EIF3E: variants seen among roughly 807,000 people sequenced by gnomAD.
The protein encoded by EIF3E is eukaryotic translation initiation factor 3 subunit E, also known as eIF-3 p48.
A neutral mutation model predicts 59.3 loss-of-function variants in EIF3E; 25 were observed. The observed-to-expected ratio is 0.42, with a 90% CI of 0.31 to 0.59. EIF3E has a LOEUF of 0.59. EIF3E is among the 20% of genes least tolerant of loss of function. The pLI is 0.15. For missense variants in EIF3E, 317 were observed against 534.3 expected (o/e 0.59, Z 4.01); for synonymous variants, 176 against 170.2 (o/e 1.03, Z -0.26).
intron 10 of EIF3E, among the ~76,000 whole-genome samples, chr8:108,205,921 C>T (rs572376548): frequency 9.9e-5 from 15 of 152,220 alleles, no homozygotes; most frequent in African/African-American, 3.6e-4. Context: ...TATGTGTGCA[C>T]AGGGAAAAAC....
chr8:108,245,079 T>C (rs981059615), intron 1 of EIF3E, among the ~76,000 whole-genome samples: 11 of 151,976 alleles, frequency 7.2e-5, no homozygotes, highest in Non-Finnish European at 4.4e-5. Context: ...AGTTTCTTAG[T>C]AACCATTTCC....
intron 1 of EIF3E, 55 bp from the exon 2 acceptor site, chr8:108,241,968 A>C (rs1815844707): frequency 7.8e-7 from 1 of 1,285,258 alleles, no homozygotes; most frequent in Admixed American, 2.3e-5. Flanking sequence ...AAATAAACTG[A>C]TTAATACTAA....
At chr8:108,206,331 AAAAGAAAAAG>A (rs1197689436) in intron 10 of EIF3E, among the ~76,000 whole-genome samples, 1 of 152,148 alleles carries the variant, frequency 6.6e-6, no homozygotes, top group Admixed American at 6.5e-5. Context: ...ATGTCAAAAA[AAAAGAAAAAG>A]AAAGAAAAAA....
At chr8:108,232,942 CAAATGATAT>C (rs1815651286) in intron 5 of EIF3E, among the ~76,000 whole-genome samples, 1 of 152,216 alleles carries the variant, frequency 6.6e-6, no homozygotes, top group Admixed American at 6.5e-5. Flanking sequence ...CCAGCATTAA[CAAATGATAT>C]AAATAACCAA....
intron 5 of EIF3E, 32 bp from the exon 6 acceptor site, chr8:108,229,227 G>T (rs1256700366): frequency 1.2e-6 from 2 of 1,601,544 alleles, no homozygotes; most frequent in Non-Finnish European, 8.5e-7. Context: ...ATTATATTGT[G>T]AATACTCTTG....
At chr8:108,212,150 A>C (rs962505190) in intron 10 of EIF3E, among the ~76,000 whole-genome samples, 1 of 152,202 alleles carries the variant, frequency 6.6e-6, no homozygotes, top group Non-Finnish European at 1.5e-5. Flanking sequence ...TGTGTTCCAA[A>C]GAGGTGTCTT....
chr8:108,242,572 G>C (rs1486287094), intron 1 of EIF3E: 1 of 1,154,768 alleles, frequency 8.7e-7, no homozygotes, highest in Non-Finnish European at 1.1e-6. Context: ...ATTTTGCAAG[G>C]AAAGAAAAAT....
rs1347169587 is a variant in EIF3E, at chr8:108,201,627, TTCA to T, written c.*255_*257del. Reference sequence around the variant, plus strand: ...AGTGAAAAAATTGAGGGAAACAGGGTTCAGCCTACAGGGACTTCTCTGTACTAT... The same window carrying T: ...AGTGAAAAAATTGAGGGAAACAGGGTGCCTACAGGGACTTCTCTGTACTAT... On this transcript the variant is annotated 3_prime_UTR_variant, in exon 13 of 13. Coordinates refer to ENST00000220849, the MANE Select transcript of EIF3E (RefSeq NM_001568.3). 7.3e-6 allele frequency: 2 copies of T among 272,262 alleles called. No homozygotes were observed. Among genetic ancestry groups the T allele is most frequent in the African/African-American group, 4.4e-5 (2 of 44,956 alleles). The allele number at this position is 272,262 out of a possible 1,614,324, so 16.9% of individuals were successfully genotyped here.
At chr8:108,240,575 C>T (rs755313448) in intron 2 of EIF3E, among the ~76,000 whole-genome samples, 2 of 152,172 alleles carry the variant, frequency 1.3e-5, no homozygotes, top group Non-Finnish European at 2.9e-5. Flanking sequence ...AACCACAAAT[C>T]CAGCTCTATA....
In EIF3E at chr8:108,242,202, A is replaced by G. The variant is rs1435784471; in HGVS notation, c.91-289T>C. On this transcript the variant is annotated intron_variant, in intron 1 of 12. Transcript: ENST00000220849. ...TATTTTTTATGTGTCCCTACAAACC[A>G]TCTCTTACCCTTTCTAGGCAAGGCT... 4 of 1,317,642 alleles carry G rather than the reference A, an allele frequency of 3.0e-6. No individual in the cohort carries two copies. In the African/African-American group the frequency reaches 4.5e-5, roughly 15 times the overall value. The allele number at this position is 1,317,642 out of a possible 1,614,324, so 81.6% of individuals were successfully genotyped here. A position where few individuals can be genotyped will look rare whatever the true frequency, so the allele number is the denominator to read the frequency against.
intron 5 of EIF3E, among the ~76,000 whole-genome samples, chr8:108,230,317 G>T (rs79636878): frequency 6.6e-6 from 1 of 152,034 alleles, no homozygotes; most frequent in African/African-American, 2.4e-5. Context: ...ACCCACCTCA[G>T]TTGTATAGTT....
chr8:108,242,108 T>G lies in EIF3E; in HGVS notation c.91-195A>C, dbSNP rs192919722. On this transcript the variant is annotated intron_variant, in intron 1 of 12. Coordinates refer to ENST00000220849, the MANE Select transcript of EIF3E (RefSeq NM_001568.3). ...ACCTATAGACGTAAAAGTATTTTAC[T>G]TACCTAAAAATTTTAAAATGAAGAG... 5.0e-3 allele frequency: 7,229 copies of G among 1,454,972 alleles called. 27 individuals carry two copies. The highest frequency in any genetic ancestry group is 5.4e-3 in the Non-Finnish European group (5,947 of 1,098,046). The allele number at this position is 1,454,972 out of a possible 1,614,324, so 90.1% of individuals were successfully genotyped here.
At chr8:108,220,153 A>AAC (rs1384068330) in intron 7 of EIF3E, among the ~76,000 whole-genome samples, 2 of 131,266 alleles carry the variant, frequency 1.5e-5, no homozygotes, top group Non-Finnish European at 3.5e-5. Context: ...CCCAAAAAAA[A>AAC]AAAAAAGGAA....
At chr8:108,203,193 A>C in intron 11 of EIF3E, 76 bp from the exon 12 acceptor site, 3 of 1,524,402 alleles carry the variant, frequency 2.0e-6, no homozygotes, top group Non-Finnish European at 2.7e-6. Context: ...AGCATGACAT[A>C]CCTTTGCGCA....
intron 3 of EIF3E, among the ~76,000 whole-genome samples, chr8:108,238,696 A>G (rs1815782526): frequency 6.6e-6 from 1 of 152,030 alleles, no homozygotes; most frequent in South Asian, 2.1e-4. Flanking sequence ...CAGTAATTGT[A>G]TATTTGTTGC....
intron 5 of EIF3E, 81 bp downstream of exon 5, chr8:108,234,917 T>G: frequency 1.2e-6 from 1 of 825,354 alleles, no homozygotes; most frequent in East Asian, 2.9e-5. Flanking sequence ...CCCAAATCTA[T>G]CTATATACAT....
At chr8:108,215,289 T>C (rs1309395247) in intron 9 of EIF3E, among the ~76,000 whole-genome samples, 1 of 152,080 alleles carries the variant, frequency 6.6e-6, no homozygotes, top group Non-Finnish European at 1.5e-5. Flanking sequence ...AATTACCATA[T>C]TGGATTCTAA....
Position 108,203,401 on chromosome 8 carries a change from T to C in EIF3E, c.1164A>G (p.Leu388=). ...ARLDAKIDSK[L]GHVVMGNNAV... is the part of the protein sequence containing the mutation. ...GTAGCATAGCTAACATAATACTCAC[T>C]AATTTAGAATCAATCTTGGCATCCA... Residue 388 remains leucine, a splice_region_variant and synonymous_variant, in exon 11 of 13, where the codon TTA becomes TTG. Transcript: ENST00000220849. The C allele has an allele frequency of 6.2e-7, 1 of 1,610,332 alleles. No homozygotes were observed. Among genetic ancestry groups the C allele is most frequent in the Non-Finnish European group, 8.5e-7 (1 of 1,177,630 alleles).
chr8:108,239,145 T>C (rs647907), intron 3 of EIF3E, among the ~76,000 whole-genome samples: 91,626 of 151,956 alleles, frequency 0.6, 27,769 homozygotes, highest in African/African-American at 0.68. Context: ...TACCCATGTG[T>C]TCTAAGGTTC....
Sources: gnomAD v4.1 joint callset for allele counts (sites outside exome capture counted in the v4.1 genomes callset) on GRCh38, gnomAD v4.1.1 for gene constraint, MANE v1.5 for transcripts, NCBI Gene and HGNC (gene_info 2026-07-23, HGNC 2026-07-21) for gene names.